The following DAB1 variants were observed in gnomAD, a reference collection of about 807,000 sequenced individuals.
The protein encoded by DAB1 is disabled homolog 1.
A neutral mutation model predicts 64.6 loss-of-function variants in DAB1; 15 were observed. That is an observed-to-expected ratio of 0.23 (90% confidence interval 0.16 to 0.36). DAB1 has a LOEUF of 0.36. Ranked by LOEUF, DAB1 falls within the 10% of genes least tolerant of loss-of-function variation. The pLI, the probability that DAB1 is intolerant of heterozygous loss-of-function variation, is 1.00. For synonymous variants in DAB1, 235 were observed against 251.9 expected (o/e 0.93, Z 0.64); for missense variants, 596 against 706.7 (o/e 0.84, Z 1.78).
At chr1:57,692,021 C>CT in intron 6 of DAB1, among the ~76,000 whole-genome samples, 1 of 152,210 alleles carries the variant, frequency 6.6e-6, no homozygotes, top group South Asian at 2.1e-4. Flanking sequence ...CCAGCTTCCA[C>CT]TTTTCCTGTA....
intron 7 of DAB1, among the ~76,000 whole-genome samples, chr1:57,586,002 G>A (rs932369651): frequency 2.0e-5 from 3 of 152,088 alleles, no homozygotes; most frequent in Non-Finnish European, 4.4e-5. Context: ...ACTAATTCCA[G>A]GGCTCTGTAA....
chr1:57,966,938 G>A (rs76417396), intron 5 of DAB1, among the ~76,000 whole-genome samples: 85 of 152,336 alleles, frequency 5.6e-4, no homozygotes, highest in African/African-American at 1.9e-3. Context: ...CATGGTACCT[G>A]TAGTTTACAC....
intron 4 of DAB1, among the ~76,000 whole-genome samples, chr1:58,200,610 A>G (rs1167343170): frequency 7.3e-6 from 1 of 137,076 alleles, no homozygotes; most frequent in Admixed American, 7.7e-5. Flanking sequence ...ATGATTATAT[A>G]AATCACTCAA....
At chr1:57,768,976 C>G (rs1649441866) in intron 6 of DAB1, among the ~76,000 whole-genome samples, 1 of 152,128 alleles carries the variant, frequency 6.6e-6, no homozygotes, top group Non-Finnish European at 1.5e-5. Context: ...TTCCCTGCCT[C>G]TTCTTCCAGG....
At chr1:57,842,504 T>C (rs1221548845) in intron 1 of DAB1, among the ~76,000 whole-genome samples, 1 of 152,144 alleles carries the variant, frequency 6.6e-6, no homozygotes, top group Non-Finnish European at 1.5e-5. Context: ...ACAAAGAAAC[T>C]ACCTGAGACT....
intron 6 of DAB1, among the ~76,000 whole-genome samples, chr1:57,817,829 A>G (rs908599152): frequency 3.9e-5 from 6 of 152,176 alleles, no homozygotes; most frequent in African/African-American, 1.2e-4. Flanking sequence ...CAGAGCTCAT[A>G]TTCCAAAAGG....
chr1:58,258,412 A>G (rs538537171), intron 4 of DAB1, among the ~76,000 whole-genome samples: 20 of 152,218 alleles, frequency 1.3e-4, no homozygotes, highest in African/African-American at 4.6e-4. Context: ...TTCCTGGAAA[A>G]ATGAACCAAA....
intron 3 of DAB1, among the ~76,000 whole-genome samples, chr1:58,349,809 AG>A (rs1314864552): frequency 6.6e-6 from 1 of 152,138 alleles, no homozygotes; most frequent in Non-Finnish European, 1.5e-5. Context: ...GTGGCTGCAT[AG>A]TATTCCATGG....
intron 3 of DAB1, among the ~76,000 whole-genome samples, chr1:58,417,697 G>C (rs961271144): frequency 6.6e-6 from 1 of 152,110 alleles, no homozygotes; most frequent in Non-Finnish European, 1.5e-5. Flanking sequence ...CTGCTAGGTG[G>C]AAAAAATAGG....
At chr1:58,021,327 T>C (rs893806096) in intron 5 of DAB1, among the ~76,000 whole-genome samples, 1 of 152,204 alleles carries the variant, frequency 6.6e-6, no homozygotes, top group Admixed American at 6.5e-5. Context: ...TAAATGCTTA[T>C]TATAGATTGA....
chr1:57,171,107 G>T (rs1324253066), intron 2 of DAB1, among the ~76,000 whole-genome samples: 1 of 152,094 alleles, frequency 6.6e-6, no homozygotes, highest in Non-Finnish European at 1.5e-5. Flanking sequence ...TCCCAGAGTT[G>T]GAATTTCTTT....
At chr1:57,072,578 T>C (rs1651587276) in intron 4 of DAB1, among the ~76,000 whole-genome samples, 164 bp from the exon 5 acceptor site, 1 of 152,190 alleles carries the variant, frequency 6.6e-6, no homozygotes, top group Non-Finnish European at 1.5e-5. Flanking sequence ...CCTTGAGAAA[T>C]GGAGGCTTCC....
chr1:58,120,856 A>G (rs1057092894), intron 5 of DAB1, among the ~76,000 whole-genome samples: 1 of 152,184 alleles, frequency 6.6e-6, no homozygotes, highest in Non-Finnish European at 1.5e-5. Context: ...TTGGAGAAGC[A>G]GGAGCCAGGC....
chr1:58,095,712 A>C (rs1650937883), intron 5 of DAB1, among the ~76,000 whole-genome samples: 1 of 152,208 alleles, frequency 6.6e-6, no homozygotes, highest in Non-Finnish European at 1.5e-5. Context: ...CTGGGTCACA[A>C]GGAAGATGTA....
At chr1:57,568,755 A>G (rs373437686) in intron 7 of DAB1, among the ~76,000 whole-genome samples, 1 of 152,054 alleles carries the variant, frequency 6.6e-6, no homozygotes, top group Admixed American at 6.6e-5. Context: ...TTAGAATGGC[A>G]ATCATTAAAA....
At chr1:57,004,660 C>T (rs1645998431) in intron 14 of DAB1, among the ~76,000 whole-genome samples, 1 of 152,148 alleles carries the variant, frequency 6.6e-6, no homozygotes, top group South Asian at 2.1e-4. Flanking sequence ...AGGACTAGCT[C>T]AGTGGGAGTT....
intron 3 of DAB1, among the ~76,000 whole-genome samples, chr1:58,446,944 T>G (rs183307067): frequency 6.6e-6 from 1 of 152,186 alleles, no homozygotes; most frequent in Non-Finnish European, 1.5e-5. Context: ...AGTTTATTCC[T>G]CCCCAAACCC....
chr1:57,380,233 A>G (rs1476863943), intron 1 of DAB1, among the ~76,000 whole-genome samples: 4 of 152,182 alleles, frequency 2.6e-5, no homozygotes, highest in Non-Finnish European at 4.4e-5. Context: ...AAAAAACTGA[A>G]GAGTGAAGCC....
rs199543080 is a variant in DAB1 at position 57,047,757 on chromosome 1, CG to C, written c.723+15126del. Among the ~76,000 whole-genome samples, 8 of 152,290 alleles carry C rather than the reference CG, an allele frequency of 5.3e-5. No individual in the cohort carries two copies. The East Asian group carries it at 1.5e-3, about 29-fold the overall frequency. ...AGCTATGGTGCAGCCCCTGCAGCTTCGGCCCCATCCCAGGCTCTCAAGTTAC... is the reference window on the plus strand; with the variant it reads ...AGCTATGGTGCAGCCCCTGCAGCTTCGCCCCATCCCAGGCTCTCAAGTTAC... On this transcript the variant is annotated intron_variant, in intron 9 of 14. Transcript: ENST00000371236.
Sources: allele counts gnomAD v4.1 joint callset (sites outside exome capture counted in the v4.1 genomes callset), GRCh38; gene constraint gnomAD v4.1.1; transcripts MANE v1.5; gene names NCBI Gene and HGNC (gene_info 2026-07-23, HGNC 2026-07-21).